Variants in ARHGAP6 observed in about 807,000 individuals in gnomAD.
The protein encoded by ARHGAP6 is rho GTPase-activating protein 6.
ARHGAP6 carries 16 observed loss-of-function variants against 55.7 expected under a neutral mutation model. That is an observed-to-expected ratio of 0.29 (90% CI 0.19 to 0.44). The LOEUF is 0.44. Among genes scored for constraint, ARHGAP6 ranks in the 20% least tolerant of loss-of-function variants. ARHGAP6 has a pLI of 1.00. For synonymous variants in ARHGAP6, 382 were observed against 360.9 expected, an observed-to-expected ratio of 1.06 and a Z score of -0.66; for missense variants, 698 against 808.9, an observed-to-expected ratio of 0.86 and a Z score of 1.66.
chrX:11,300,482 A>T, intron 1 of ARHGAP6: 1 of 551,057 alleles, frequency 1.8e-6, no homozygotes, highest in East Asian at 3.5e-5. Context: ...TTCAGAAATT[A>T]TAGAGTTCAA....
intron 6 of ARHGAP6, 112 bp from the exon 7 acceptor site, chrX:11,179,564 C>G: frequency 2.2e-6 from 2 of 923,451 alleles, no homozygotes; most frequent in South Asian, 2.9e-5. Context: ...CTGCACAGAC[C>G]CCAAGAAGGG....
Position 11,627,910 on chromosome X carries a change from A to G in ARHGAP6, c.588+36331T>C, listed in dbSNP as rs138161085. Among the ~76,000 whole-genome samples the G allele has an allele frequency of 2.5e-3, 279 of 111,961 alleles. 1 individual carries two copies. Among genetic ancestry groups the G allele is most frequent in the African/African-American group, 8.9e-3 (275 of 30,956 alleles). Reference sequence around the variant, plus strand: ...CAACCTTCAAGCCTTCAGGTAGTGTACACTATTCAGAATAAAACTACTGTT... The same window carrying G: ...CAACCTTCAAGCCTTCAGGTAGTGTGCACTATTCAGAATAAAACTACTGTT... On this transcript the variant is annotated intron_variant, in intron 1 of 12. Coordinates refer to ENST00000337414, the MANE Select transcript of ARHGAP6 (RefSeq NM_013427.3).
intron 1 of ARHGAP6, among the ~76,000 whole-genome samples, chrX:11,572,244 T>A (rs938482827): frequency 9.0e-6 from 1 of 110,516 alleles, no homozygotes; most frequent in African/African-American, 3.3e-5. Context: ...ATGTGCAGGT[T>A]AGTTACATAT....
At chrX:11,167,506 G>T (rs1338305423) in intron 9 of ARHGAP6, among the ~76,000 whole-genome samples, 1 of 111,707 alleles carries the variant, frequency 9.0e-6, no homozygotes, top group Non-Finnish European at 1.9e-5. Flanking sequence ...AGCTGGAAAA[G>T]GTAGAATACT....
intron 1 of ARHGAP6, among the ~76,000 whole-genome samples, chrX:11,496,689 AT>A (rs926327024): frequency 1.8e-5 from 2 of 111,973 alleles, no homozygotes; most frequent in Non-Finnish European, 3.8e-5. Flanking sequence ...CCAAGTCTTC[AT>A]TTTTTTTAAC....
At chrX:11,609,724 A>T (rs183982214) in intron 1 of ARHGAP6, among the ~76,000 whole-genome samples, 1 of 112,344 alleles carries the variant, frequency 8.9e-6, no homozygotes, top group East Asian at 2.8e-4. Context: ...CATTCAGGAC[A>T]CTACTCACCT....
At chrX:11,633,361 G>C (rs1469929820) in intron 1 of ARHGAP6, among the ~76,000 whole-genome samples, 1 of 111,966 alleles carries the variant, frequency 8.9e-6, no homozygotes, top group African/African-American at 3.3e-5. Context: ...TCATAAGCTT[G>C]CCTATGAGTA....
chrX:11,364,920 A>G (rs2049056450), intron 1 of ARHGAP6, among the ~76,000 whole-genome samples: 1 of 110,328 alleles, frequency 9.1e-6, no homozygotes, highest in Non-Finnish European at 1.9e-5. Flanking sequence ...GCCAACAGGA[A>G]GCCCTTACTG....
chrX:11,590,701 C>G (rs889372976), intron 1 of ARHGAP6, among the ~76,000 whole-genome samples: 1 of 103,024 alleles, frequency 9.7e-6, no homozygotes, highest in African/African-American at 3.6e-5. Flanking sequence ...ATGAGAATCG[C>G]TTGAACCCAG....
chrX:11,440,207 C>T (rs751406731), intron 1 of ARHGAP6, among the ~76,000 whole-genome samples: 5 of 112,387 alleles, frequency 4.4e-5, no homozygotes, highest in Non-Finnish European at 9.4e-5. Flanking sequence ...GAAGTGAACT[C>T]GAATTGTTAT....
At chrX:11,390,585 A>G (rs1301624574) in intron 1 of ARHGAP6, among the ~76,000 whole-genome samples, 3 of 111,857 alleles carry the variant, frequency 2.7e-5, no homozygotes, top group East Asian at 2.8e-4. Context: ...GCTAATATCC[A>G]GAATCTACAA....
At chrX:11,507,366 A>C (rs1032828500) in intron 1 of ARHGAP6, among the ~76,000 whole-genome samples, 1 of 111,672 alleles carries the variant, frequency 9.0e-6, no homozygotes, top group African/African-American at 3.3e-5. Flanking sequence ...GTGCTTGAAT[A>C]AGAAAGATTC....
intron 1 of ARHGAP6, among the ~76,000 whole-genome samples, chrX:11,408,927 G>GCA (rs894162413): frequency 1.9e-5 from 2 of 105,637 alleles, no homozygotes; most frequent in East Asian, 5.9e-4. Flanking sequence ...ACACACACAC[G>GCA]CACACACACA....
At chrX:11,500,432 G>A (rs1348693398) in intron 1 of ARHGAP6, among the ~76,000 whole-genome samples, 2 of 110,641 alleles carry the variant, frequency 1.8e-5, no homozygotes, top group Non-Finnish European at 3.8e-5. Flanking sequence ...AGGCCGAGGT[G>A]GGTGGATCAC....
intron 1 of ARHGAP6, among the ~76,000 whole-genome samples, chrX:11,588,672 C>G (rs928181334): frequency 8.9e-6 from 1 of 112,153 alleles, no homozygotes; most frequent in African/African-American, 3.2e-5. Context: ...TCACAAAAGA[C>G]CACATATTGT....
intron 1 of ARHGAP6, among the ~76,000 whole-genome samples, chrX:11,570,543 A>G (rs1480038415): frequency 9.0e-6 from 1 of 110,509 alleles, no homozygotes; most frequent in Non-Finnish European, 1.9e-5. Context: ...TTATAATTTC[A>G]ATCTCTCAGC....
chrX:11,180,036 GA>G (rs1479317016), intron 6 of ARHGAP6, among the ~76,000 whole-genome samples: 1 of 109,481 alleles, frequency 9.1e-6, no homozygotes, highest in Non-Finnish European at 1.9e-5. Context: ...CTGCAAAAAT[GA>G]AATTAAGAGC....
chrX:11,522,860 A>C (rs1485275906), intron 1 of ARHGAP6, among the ~76,000 whole-genome samples: 2 of 112,071 alleles, frequency 1.8e-5, no homozygotes, highest in African/African-American at 3.2e-5. Context: ...ATAGAAAAAC[A>C]GGGAATCCTC....
chrX:11,590,460 A>G (rs992072407), intron 1 of ARHGAP6, among the ~76,000 whole-genome samples: 3 of 51,030 alleles, frequency 5.9e-5, no homozygotes, highest in Admixed American at 2.0e-4. Flanking sequence ...TTATTAAACA[A>G]AAAAAAAATG....
Sources: gnomAD v4.1 joint callset for allele counts (sites outside exome capture counted in the v4.1 genomes callset) on GRCh38, gnomAD v4.1.1 for gene constraint, MANE v1.5 for transcripts, NCBI Gene and HGNC (gene_info 2026-07-23, HGNC 2026-07-21) for gene names.